CCDC63: variants seen among roughly 807,000 people sequenced by gnomAD.
CCDC63 encodes the protein coiled-coil domain containing 63.
Under a neutral mutation model 63.6 loss-of-function variants are expected in CCDC63, and 54 were observed. That is an observed-to-expected ratio of 0.85 (90% confidence interval 0.68 to 1.07). The LOEUF (loss-of-function observed/expected upper bound fraction) is 1.07. CCDC63 is among the 50% of genes least tolerant of loss of function. The pLI, the probability that CCDC63 is intolerant of heterozygous loss-of-function variation, is 0.00. For missense variants in CCDC63, 637 were observed against 689.6 expected (o/e 0.92, Z 0.86); for synonymous variants, 253 against 266.1 (o/e 0.95, Z 0.48).
chr12:110,884,316 C>T, intron 8 of CCDC63, 66 bp downstream of exon 8: 1 of 1,321,000 alleles, frequency 7.6e-7, no homozygotes, highest in Non-Finnish European at 1.1e-6. Context: ...CCAGGGCAGT[C>T]TCCTAGGAAG....
In CCDC63 at chr12:110,858,658, G is replaced by A; in HGVS notation, c.252G>A (p.Arg84=). 1 of 1,614,140 alleles carries A rather than the reference G, an allele frequency of 6.2e-7. No homozygotes were observed. The highest frequency in any genetic ancestry group is 8.5e-7 in the Non-Finnish European group (1 of 1,180,008). The change falls in exon 4 of 12, where the codon AGG becomes AGA. Residue 84 remains arginine, a synonymous_variant. Coordinates refer to ENST00000308208, the MANE Select transcript of CCDC63 (RefSeq NM_152591.3). ...TGTTGAGTCTCATGAAATCCTCGAG[G>A]AACATGAATCGGAGTGAGAAGAACT... ...TLLLSLMKSS[R]NMNRSEKNYM... is the part of the protein sequence containing the mutation.
chr12:110,867,952 G>A (rs1270436638), intron 4 of CCDC63, among the ~76,000 whole-genome samples: 14 of 146,478 alleles, frequency 9.6e-5, no homozygotes, highest in Admixed American at 2.7e-4. Flanking sequence ...GCTGCCGGGC[G>A]GAGGGGCTCC....
At chr12:110,852,786 G>C (rs2070720103) in intron 1 of CCDC63, 73 bp from the exon 2 acceptor site, 2 of 896,644 alleles carry the variant, frequency 2.2e-6, no homozygotes, top group South Asian at 2.9e-5. Flanking sequence ...GGGGGAGGGA[G>C]GAGGTGCCGT....
intron 4 of CCDC63, 83 bp downstream of exon 4, chr12:110,858,858 A>G (rs1239417005): frequency 8.7e-7 from 1 of 1,152,862 alleles, no homozygotes; most frequent in Non-Finnish European, 1.3e-6. Context: ...GCCTTAGGCC[A>G]GACCTGACAC....
At chr12:110,853,383 C>T in intron 2 of CCDC63, 22 bp from the exon 3 acceptor site, 5 of 1,601,528 alleles carry the variant, frequency 3.1e-6, no homozygotes, top group Non-Finnish European at 4.3e-6. Context: ...TACGGCCTCC[C>T]ACTCCTCTCC....
intron 1 of CCDC63, among the ~76,000 whole-genome samples, chr12:110,847,604 A>G (rs763418972): frequency 1.3e-4 from 19 of 151,894 alleles, no homozygotes; most frequent in Non-Finnish European, 2.1e-4. Flanking sequence ...TTTTCCTCCC[A>G]TAATAATCCT....
intron 8 of CCDC63, among the ~76,000 whole-genome samples, chr12:110,886,007 T>C (rs16941057): frequency 0.025 from 3,738 of 152,242 alleles, 139 homozygotes; most frequent in African/African-American, 0.084. Flanking sequence ...AAAACTATTA[T>C]AGATAATAAC....
chr12:110,903,840 G>A (rs1037565668), intron 10 of CCDC63, among the ~76,000 whole-genome samples: 2 of 151,272 alleles, frequency 1.3e-5, no homozygotes, highest in South Asian at 4.2e-4. Context: ...CAAAGGCCTG[G>A]AGACTTGAAA....
At chr12:110,878,020 G>A (rs1397749623) in intron 5 of CCDC63, among the ~76,000 whole-genome samples, 1 of 151,444 alleles carries the variant, frequency 6.6e-6, no homozygotes, top group Non-Finnish European at 1.5e-5. Context: ...ACTTTTTTTT[G>A]TTTAGAGTCC....
chr12:110,898,080 G>A (rs1345872865), intron 9 of CCDC63, among the ~76,000 whole-genome samples: 2 of 151,574 alleles, frequency 1.3e-5, no homozygotes, highest in African/African-American at 2.4e-5. Context: ...CCAGGAGTTC[G>A]AGACCAGCCT....
At chr12:110,898,901 C>G (rs1008372762) in intron 9 of CCDC63, 32 bp from the exon 10 acceptor site, 30 of 1,535,046 alleles carry the variant, frequency 2.0e-5, no homozygotes, top group Non-Finnish European at 2.4e-5. Context: ...GAAAGTCCTC[C>G]TGAGCAGGTG....
At chr12:110,883,272 G>A (rs1317884855) in intron 7 of CCDC63, among the ~76,000 whole-genome samples, 3 of 152,086 alleles carry the variant, frequency 2.0e-5, no homozygotes, top group African/African-American at 4.8e-5. Flanking sequence ...TCTTGACCTC[G>A]TGATCCACCT....
At chr12:110,871,471 A>C in intron 4 of CCDC63, among the ~76,000 whole-genome samples, 2 of 151,812 alleles carry the variant, frequency 1.3e-5, no homozygotes, top group East Asian at 1.9e-4. Context: ...TATCACTCCC[A>C]AAAACCATAA....
chr12:110,873,786 G>A (rs575663855), intron 4 of CCDC63, 56 bp from the exon 5 acceptor site: 31 of 1,594,186 alleles, frequency 1.9e-5, no homozygotes, highest in East Asian at 4.5e-5. Context: ...ACTGTAGAAC[G>A]GGTACCCATA....
rs529189389 is a variant in CCDC63, at chr12:110,891,770, C to T, written c.1075-1306C>T. On this transcript the variant is annotated intron_variant, in intron 8 of 11. Coordinates refer to ENST00000308208, the MANE Select transcript of CCDC63 (RefSeq NM_152591.3). Reference sequence around the variant, plus strand: ...CATATTTTAACCCAAGACCCTCTCCCCTGTTTTATGAATGTGCCATCATTA... The same window carrying T: ...CATATTTTAACCCAAGACCCTCTCCTCTGTTTTATGAATGTGCCATCATTA... Among the ~76,000 whole-genome samples, 47 of 152,244 alleles carry T rather than the reference C, an allele frequency of 3.1e-4. No individual in the cohort carries two copies. The South Asian group carries it at 4.6e-3, about 15-fold the overall frequency.
chr12:110,888,167 G>A (rs1374084442), intron 8 of CCDC63, among the ~76,000 whole-genome samples: 1 of 152,098 alleles, frequency 6.6e-6, no homozygotes, highest in Non-Finnish European at 1.5e-5. Context: ...GTTGCTAACT[G>A]AGGTTCAGGC....
At chr12:110,865,490 GAAA>G (rs2070935370) in intron 4 of CCDC63, among the ~76,000 whole-genome samples, 1 of 128,910 alleles carries the variant, frequency 7.8e-6, no homozygotes, top group African/African-American at 2.8e-5. Flanking sequence ...AAAGAAAAAA[GAAA>G]AAGAAGAGAC....
intron 4 of CCDC63, among the ~76,000 whole-genome samples, chr12:110,868,279 C>G (rs1484184847): frequency 7.7e-6 from 1 of 129,304 alleles, no homozygotes; most frequent in Admixed American, 7.7e-5. Context: ...CTCCTCACAT[C>G]CCAGACGATG....
At chr12:110,881,053 A>G (rs923631605) in intron 6 of CCDC63, 62 bp from the exon 7 acceptor site, 8 of 1,456,440 alleles carry the variant, frequency 5.5e-6, no homozygotes, top group Non-Finnish European at 7.3e-6. Context: ...CTGGACTGGC[A>G]GGGAAAGGGA....
Sources: allele counts gnomAD v4.1 joint callset (sites outside exome capture counted in the v4.1 genomes callset), GRCh38; gene constraint gnomAD v4.1.1; transcripts MANE v1.5; gene names NCBI Gene and HGNC (gene_info 2026-07-23, HGNC 2026-07-21).